RP1: variants seen among roughly 807,000 people sequenced by gnomAD.
RP1 encodes the protein oxygen-regulated protein 1.
A neutral mutation model predicts 14.8 loss-of-function variants in RP1; 16 were observed. The observed-to-expected ratio is 1.08, with a 90% CI of 0.73 to 1.65. RP1 has a LOEUF of 1.65. Among genes scored for constraint, RP1 ranks in the 40% most tolerant of loss-of-function variants. The probability of loss-of-function intolerance (pLI) is 0.00; values close to 1 mark genes in which losing one functional copy is unlikely to be tolerated. For synonymous variants in RP1, 876 were observed against 883.6 expected, an observed-to-expected ratio of 0.99 and a Z score of 0.15; for missense variants, 2,631 against 2,535.0, an observed-to-expected ratio of 1.04 and a Z score of -0.81.
chr8:54,712,755 T>C (rs918406900), intron 15 of RP1, among the ~76,000 whole-genome samples: 1 of 152,214 alleles, frequency 6.6e-6, no homozygotes, highest in African/African-American at 2.4e-5. Flanking sequence ...CAAATTTTGG[T>C]AGTGAGTCAT....
intron 1 of RP1, among the ~76,000 whole-genome samples, chr8:54,573,198 C>T (rs903519361): frequency 6.6e-6 from 1 of 152,218 alleles, no homozygotes; most frequent in South Asian, 2.1e-4. Context: ...TCAGTCATCA[C>T]CTTCTTTTTT....
chr8:54,712,039 T>A (rs1022627998), intron 15 of RP1, among the ~76,000 whole-genome samples: 1 of 152,026 alleles, frequency 6.6e-6, no homozygotes, highest in East Asian at 1.9e-4. Context: ...TTTCTTGGAG[T>A]CACTGTGTGA....
chr8:54,797,124 A>T (rs141113013), intron 24 of RP1, among the ~76,000 whole-genome samples: 103 of 152,282 alleles, frequency 6.8e-4, no homozygotes, highest in African/African-American at 2.3e-3. Context: ...GCATGAGAAG[A>T]AGGTGGCACT....
intron 15 of RP1, among the ~76,000 whole-genome samples, chr8:54,709,512 C>T (rs769185219): frequency 1.1e-3 from 168 of 152,122 alleles, no homozygotes; most frequent in Non-Finnish European, 2.1e-3. Flanking sequence ...AGATATTTCA[C>T]AATTTGAAAA....
chr8:54,815,594 A>G (rs1393058709), intron 24 of RP1, among the ~76,000 whole-genome samples: 4 of 152,224 alleles, frequency 2.6e-5, no homozygotes, highest in Non-Finnish European at 5.9e-5. Context: ...GGCACATTTT[A>G]AAACCTCTTA....
At chr8:54,603,984 A>G (rs935491957) in intron 1 of RP1, among the ~76,000 whole-genome samples, 4 of 152,190 alleles carry the variant, frequency 2.6e-5, no homozygotes, top group Admixed American at 2.6e-4. Context: ...TCATCTGCAA[A>G]CAGGACAATT....
chr8:54,577,228 C>T (rs60446144), intron 1 of RP1, among the ~76,000 whole-genome samples: 1 of 151,902 alleles, frequency 6.6e-6, no homozygotes, highest in Non-Finnish European at 1.5e-5. Context: ...GTTGGTCAAC[C>T]TGGTCTCGAA....
chr8:54,801,257 A>G (rs976109984), intron 24 of RP1, among the ~76,000 whole-genome samples: 5 of 151,666 alleles, frequency 3.3e-5, no homozygotes, highest in African/African-American at 1.2e-4. Context: ...TTCCACTGTT[A>G]TTTTTCCTCA....
chr8:54,716,225 C>T (rs189266670), intron 15 of RP1, among the ~76,000 whole-genome samples: 69 of 152,028 alleles, frequency 4.5e-4, no homozygotes, highest in Non-Finnish European at 9.4e-4. Context: ...ACTAGTAATC[C>T]TAGTATGTTC....
intron 24 of RP1, among the ~76,000 whole-genome samples, chr8:54,809,474 A>G (rs1290886173): frequency 1.3e-5 from 2 of 152,214 alleles, no homozygotes; most frequent in Non-Finnish European, 2.9e-5. Flanking sequence ...TGTATTAATA[A>G]AAGTTAGATT....
intron 3 of RP1, among the ~76,000 whole-genome samples, chr8:54,639,344 G>C (rs574393591): frequency 6.6e-6 from 1 of 152,072 alleles, no homozygotes; most frequent in East Asian, 1.9e-4. Context: ...ATTTATTTCT[G>C]GCTTTTGGTT....
chr8:54,689,800 C>T (rs985907221), intron 12 of RP1, among the ~76,000 whole-genome samples: 1 of 151,972 alleles, frequency 6.6e-6, no homozygotes, highest in East Asian at 1.9e-4. Context: ...TTTCTATTTA[C>T]TTGGCATCCC....
chr8:54,640,737 T>G (rs993155070), intron 3 of RP1, among the ~76,000 whole-genome samples: 1 of 152,172 alleles, frequency 6.6e-6, no homozygotes, highest in African/African-American at 2.4e-5. Flanking sequence ...TTTTGCTACT[T>G]TAGGTTTTTC....
intron 1 of RP1, among the ~76,000 whole-genome samples, chr8:54,602,396 A>G (rs957842743): frequency 6.6e-6 from 1 of 152,206 alleles, no homozygotes; most frequent in Non-Finnish European, 1.5e-5. Context: ...ATAGTATTCC[A>G]AGGTGTATAT....
intron 26 of RP1, among the ~76,000 whole-genome samples, chr8:54,853,304 C>T (rs1343555066): frequency 6.6e-6 from 1 of 152,056 alleles, no homozygotes; most frequent in African/African-American, 2.4e-5. Context: ...TCCTGCAGCT[C>T]GTCATTGAGA....
chr8:54,769,729 C>CT (rs1563371125), intron 22 of RP1: 7 of 1,490,134 alleles, frequency 4.7e-6, no homozygotes, highest in Non-Finnish European at 3.6e-6. Context: ...CTCTCTCTCT[C>CT]TTTTTCCTCA....
At position 54,627,981 on chromosome 8, in the gene RP1, G is replaced by T. The variant is rs150217901; in HGVS notation, c.4099G>T (p.Asp1367Tyr). Residue 1367 changes from aspartate to tyrosine, a missense_variant, in exon 4 of 4, where the codon GAC becomes TAC. Coordinates refer to ENST00000220676, the MANE Select transcript of RP1 (RefSeq NM_006269.2). ...AACTGAAGAGTTAGAAAGAGGTGAT[G>T]ACATTCAGAAAGATCTAAATATTTT... ...DSTEELERGD[D>Y]IQKDLNILTD... 1 of 1,614,024 alleles carries T rather than the reference G, an allele frequency of 6.2e-7. No homozygotes were observed. Among genetic ancestry groups the T allele is most frequent in the Non-Finnish European group, 8.5e-7 (1 of 1,179,926 alleles).
intron 1 of RP1, among the ~76,000 whole-genome samples, chr8:54,587,381 G>A (rs936466187): frequency 6.7e-5 from 10 of 148,982 alleles, no homozygotes; most frequent in Admixed American, 2.7e-4. Flanking sequence ...AGCCGAGATT[G>A]TGTCACTGCA....
At chr8:54,644,235 T>C (rs958137020) in intron 3 of RP1, among the ~76,000 whole-genome samples, 5 of 152,200 alleles carry the variant, frequency 3.3e-5, no homozygotes, top group African/African-American at 1.2e-4. Context: ...CCAAGCAAGT[T>C]AGAAACCTAG....
Sources: allele counts gnomAD v4.1 joint callset (sites outside exome capture counted in the v4.1 genomes callset), GRCh38; gene constraint gnomAD v4.1.1; transcripts MANE v1.5; gene names NCBI Gene and HGNC (gene_info 2026-07-23, HGNC 2026-07-21).